Variants in GALNT17 observed in about 807,000 individuals in gnomAD.
GALNT17 encodes the protein polypeptide N-acetylgalactosaminyltransferase 17, also known as UDP-GalNAc:polypeptide N-acetylgalactosaminyltransferase-like 3.
Under a neutral mutation model 63.7 loss-of-function variants are expected in GALNT17, and 29 were observed. The observed-to-expected ratio is 0.46, with a 90% confidence interval of 0.34 to 0.62. The LOEUF (loss-of-function observed/expected upper bound fraction) is 0.62, where lower values mean the gene tolerates loss of function less well. GALNT17 is among the 20% of genes least tolerant of loss of function. The pLI is 0.01. For synonymous variants in GALNT17, 305 were observed against 318.3 expected (o/e 0.96, Z 0.45); for missense variants, 603 against 799.6 (o/e 0.75, Z 2.97).
rs764852834 is a variant in GALNT17, at chr7:71,133,021, C to T, written c.219C>T (p.Ile73=). The change falls in exon 1 of 11, where the codon ATC becomes ATT. Residue 73 remains isoleucine, a synonymous_variant. Transcript: ENST00000333538. ...VLKRLSLLED[I]VYRQLNGLSK... ...AGCGCCTGTCGCTGCTGGAGGACATCGTGTACCGGCAGCTGAATGGTAAGG... is the reference window on the plus strand; with the variant it reads ...AGCGCCTGTCGCTGCTGGAGGACATTGTGTACCGGCAGCTGAATGGTAAGG... 5.0e-6 allele frequency: 8 copies of T among 1,584,172 alleles called. No homozygotes were observed. In the Admixed American group the frequency reaches 1.4e-4, roughly 27 times the overall value.
chr7:71,661,675 C>G (rs1038672648), intron 6 of GALNT17, among the ~76,000 whole-genome samples: 3 of 152,198 alleles, frequency 2.0e-5, no homozygotes, highest in Admixed American at 6.5e-5. Context: ...GATTCCAGGG[C>G]AGGCACTGAC....
At chr7:71,220,330 G>A (rs1298511299) in intron 1 of GALNT17, among the ~76,000 whole-genome samples, 2 of 152,168 alleles carry the variant, frequency 1.3e-5, no homozygotes, top group Non-Finnish European at 1.5e-5. Context: ...GGGAGGTGGG[G>A]GAATTCTTGC....
intron 1 of GALNT17, among the ~76,000 whole-genome samples, chr7:71,170,254 T>C (rs1788522518): frequency 6.6e-6 from 1 of 152,186 alleles, no homozygotes; most frequent in Non-Finnish European, 1.5e-5. Context: ...AGGATGCTGT[T>C]TTTTTCCTCC....
At chr7:71,502,708 G>A (rs969478570) in intron 5 of GALNT17, among the ~76,000 whole-genome samples, 1 of 152,188 alleles carries the variant, frequency 6.6e-6, no homozygotes, top group Non-Finnish European at 1.5e-5. Context: ...CTTAGATGAT[G>A]CCAGCACCCA....
chr7:71,146,965 T>C (rs1788035987), intron 1 of GALNT17, among the ~76,000 whole-genome samples: 1 of 152,130 alleles, frequency 6.6e-6, no homozygotes, highest in African/African-American at 2.4e-5. Flanking sequence ...GTGTGATTAG[T>C]GTTTACTGAG....
At chr7:71,688,338 C>G (rs73191019) in intron 9 of GALNT17, among the ~76,000 whole-genome samples, 12,060 of 152,172 alleles carry the variant, frequency 0.079, 1,240 homozygotes, top group East Asian at 0.53. Flanking sequence ...GTTGTTCGTT[C>G]CTGCCTCCTG....
intron 2 of GALNT17, among the ~76,000 whole-genome samples, chr7:71,367,622 G>A (rs1230055240): frequency 2.6e-5 from 4 of 152,140 alleles, no homozygotes; most frequent in African/African-American, 9.7e-5. Flanking sequence ...ATCAGATCTA[G>A]TGAGTTGCCA....
chr7:71,300,469 A>G (rs771121235), intron 1 of GALNT17: 9 of 455,874 alleles, frequency 2.0e-5, no homozygotes, highest in Non-Finnish European at 1.8e-5. Context: ...TGACTGGGGG[A>G]TGTTCATGAG....
chr7:71,229,271 G>A (rs1014624812), intron 1 of GALNT17, among the ~76,000 whole-genome samples: 3 of 152,332 alleles, frequency 2.0e-5, no homozygotes, highest in South Asian at 4.1e-4. Flanking sequence ...AGGCCACTGC[G>A]ACTTGGGAGT....
At chr7:71,354,466 C>T (rs1792246456) in intron 2 of GALNT17, among the ~76,000 whole-genome samples, 3 of 152,144 alleles carry the variant, frequency 2.0e-5, no homozygotes, top group Non-Finnish European at 4.4e-5. Flanking sequence ...TCAGTTTTTT[C>T]AGTAACTATA....
Position 71,704,167 on chromosome 7 carries a change from G to A in GALNT17, c.1501-6594G>A, listed in dbSNP as rs374809532. On this transcript the variant is annotated intron_variant, in intron 9 of 10. Coordinates refer to ENST00000333538, the MANE Select transcript of GALNT17 (RefSeq NM_022479.3). ...AACCTGTAGTTCAGAGTGACCATGA[G>A]GTACCTGGGTGGTTGGTGTGATCAC... 1.1e-4 allele frequency among the ~76,000 whole-genome samples: 16 copies of A among 152,270 alleles called. No individual in the cohort carries two copies. The South Asian group carries it at 3.3e-3, about 32-fold the overall frequency.
At position 71,442,863 on chromosome 7, in the gene GALNT17, CT is replaced by C. The variant is rs1426348765; in HGVS notation, c.962+21761del. Reference sequence around the variant, plus strand: ...GGAGAGCTGGCCTGCATGGGAGGTCCTTTATACACTTGGTAGGATGCCCCAG... The same window carrying C: ...GGAGAGCTGGCCTGCATGGGAGGTCCTTATACACTTGGTAGGATGCCCCAG... On this transcript the variant is annotated intron_variant, in intron 5 of 10. Transcript: ENST00000333538. 2.0e-5 allele frequency among the ~76,000 whole-genome samples: 3 copies of C among 152,142 alleles called. No individual in the cohort carries two copies. The East Asian group carries it at 5.8e-4, about 29-fold the overall frequency.
At chr7:71,491,871 C>T (rs1788014523) in intron 5 of GALNT17, among the ~76,000 whole-genome samples, 1 of 152,154 alleles carries the variant, frequency 6.6e-6, no homozygotes. Flanking sequence ...GAAGCGTGAA[C>T]TTGGGCCAGG....
At chr7:71,264,047 G>A (rs1790444083) in intron 1 of GALNT17, among the ~76,000 whole-genome samples, 1 of 152,180 alleles carries the variant, frequency 6.6e-6, no homozygotes, top group South Asian at 2.1e-4. Flanking sequence ...ACTATCGTTT[G>A]AGAGCTACTG....
At chr7:71,711,870 C>CTT in intron 10 of GALNT17, 148 bp from the exon 11 acceptor site, 1 of 843,036 alleles carries the variant, frequency 1.2e-6, no homozygotes. Flanking sequence ...CTCTTTGCCT[C>CTT]TTTCTCTGTC....
intron 5 of GALNT17, among the ~76,000 whole-genome samples, chr7:71,483,282 G>T (rs111979409): frequency 0.05 from 7,633 of 152,132 alleles, 663 homozygotes; most frequent in African/African-American, 0.17. Context: ...ACCAGCCTGG[G>T]CAGCGTGGCC....
At chr7:71,362,635 C>T (rs1792425701) in intron 2 of GALNT17, among the ~76,000 whole-genome samples, 1 of 152,184 alleles carries the variant, frequency 6.6e-6, no homozygotes, top group African/African-American at 2.4e-5. Context: ...CAGATGAAGA[C>T]TTGCTGTTGC....
At chr7:71,488,793 G>C (rs1163113803) in intron 5 of GALNT17, among the ~76,000 whole-genome samples, 2 of 148,924 alleles carry the variant, frequency 1.3e-5, no homozygotes, top group South Asian at 4.2e-4. Context: ...TGTTGGCCAG[G>C]CTGGTCTCGA....
At chr7:71,488,131 A>G (rs1277825881) in intron 5 of GALNT17, among the ~76,000 whole-genome samples, 1 of 150,578 alleles carries the variant, frequency 6.6e-6, no homozygotes, top group Non-Finnish European at 1.5e-5. Context: ...TTTTGTCACT[A>G]CACTCCAGCC....
Sources: gnomAD v4.1 joint callset for allele counts (sites outside exome capture counted in the v4.1 genomes callset) on GRCh38, gnomAD v4.1.1 for gene constraint, MANE v1.5 for transcripts, NCBI Gene and HGNC (gene_info 2026-07-23, HGNC 2026-07-21) for gene names.